Variants in JARID2 observed in about 807,000 individuals in gnomAD.
JARID2 encodes the protein protein Jumonji.
Under a neutral mutation model 125.6 loss-of-function variants are expected in JARID2, and 21 were observed. The ratio of observed to expected loss-of-function variants is 0.17; its 90% CI spans 0.12 to 0.24. The LOEUF (loss-of-function observed/expected upper bound fraction) is 0.24, where lower values mean the gene tolerates loss of function less well. Ranked by LOEUF, JARID2 falls within the 10% of genes least tolerant of loss-of-function variation. The probability of loss-of-function intolerance (pLI) is 1.00; values close to 1 mark genes in which losing one functional copy is unlikely to be tolerated. For missense variants in JARID2, 1,303 were observed against 1,639.6 expected (o/e 0.79, Z 3.55); for synonymous variants, 736 against 661.6 (o/e 1.11, Z -1.73).
chr6:15,421,480 CAT>C (rs1766487493), intron 3 of JARID2, among the ~76,000 whole-genome samples: 2 of 150,436 alleles, frequency 1.3e-5, no homozygotes, highest in South Asian at 2.1e-4. Context: ...AATTAATAAA[CAT>C]AAGCATTCGG....
chr6:15,487,381 G>C lies in JARID2; in HGVS notation c.745G>C (p.Ala249Pro). 6.2e-7 allele frequency: 1 copy of C among 1,614,226 alleles called. No homozygotes were observed. The highest frequency in any genetic ancestry group is 8.5e-7 in the Non-Finnish European group (1 of 1,180,054). Residue 249 changes from alanine to proline, a missense_variant, in exon 6 of 18, where the codon GCA (alanine) becomes CCA (proline). By Grantham distance (27) the Ala-to-Pro change is conservative. Around this residue, in one of 11 missense-constraint regions of JARID2, gnomAD observed 651 missense variants for 581.6 expected, o/e 1.12. Coordinates refer to ENST00000341776, the MANE Select transcript of JARID2 (RefSeq NM_004973.4). Reference sequence around the variant, plus strand: ...ACACAAAAGCAAAGAGGCCACTCCCGCAAAGGAGAAGCACAGCGATCACCG... The same window carrying C: ...ACACAAAAGCAAAGAGGCCACTCCCCCAAAGGAGAAGCACAGCGATCACCG... ...QKHKSKEATP[A>P]KEKHSDHRAD...
chr6:15,315,840 C>T (rs1482456151), intron 1 of JARID2, among the ~76,000 whole-genome samples: 1 of 152,138 alleles, frequency 6.6e-6, no homozygotes, highest in Admixed American at 6.5e-5. Context: ...GCCGTCCATA[C>T]GTTGAGTACG....
chr6:15,303,042 A>C (rs1417361696), intron 1 of JARID2, among the ~76,000 whole-genome samples: 3 of 152,220 alleles, frequency 2.0e-5, no homozygotes, highest in Non-Finnish European at 4.4e-5. Flanking sequence ...TATTTTTCAA[A>C]GTGAGCAATG....
Position 15,446,116 on chromosome 6 carries a change from GT to G in JARID2, c.324-5889del, listed in dbSNP as rs767033299. Among the ~76,000 whole-genome samples, 67 of 152,298 alleles carry G rather than the reference GT, an allele frequency of 4.4e-4. 1 individual carries two copies. The highest frequency in any genetic ancestry group is 6.8e-3 in the Middle Eastern group (2 of 294). ...GCCCCTCTGCTCAGATACCATGTGT[GT>G]ACTGTATTCTGTGATTCCTAAATCA... is the stretch of plus-strand genomic sequence containing the variant. On this transcript the variant is annotated intron_variant, in intron 3 of 17. Transcript: ENST00000341776.
intron 1 of JARID2, among the ~76,000 whole-genome samples, chr6:15,315,666 G>C (rs1472574416): frequency 6.6e-6 from 1 of 152,202 alleles, no homozygotes; most frequent in Non-Finnish European, 1.5e-5. Context: ...CAAATCCCTA[G>C]AAGTTGTGGT....
chr6:15,373,092 AG>A (rs1479536948), intron 1 of JARID2, among the ~76,000 whole-genome samples: 15 of 152,356 alleles, frequency 9.8e-5, no homozygotes, highest in African/African-American at 3.1e-4. Context: ...TTAGATTAAC[AG>A]CTACAGAAGA....
intron 1 of JARID2, among the ~76,000 whole-genome samples, chr6:15,300,224 T>C (rs991460068): frequency 6.6e-6 from 1 of 152,214 alleles, no homozygotes; most frequent in Non-Finnish European, 1.5e-5. Flanking sequence ...TGTTTTTAAT[T>C]CTTTGACCAC....
chr6:15,512,805 A>G (rs1771342695), intron 14 of JARID2, 110 bp from the exon 15 acceptor site: 1 of 1,093,222 alleles, frequency 9.1e-7, no homozygotes, highest in African/African-American at 1.6e-5. Context: ...TCTAAATGCA[A>G]TTCAAGATTT....
intron 1 of JARID2, among the ~76,000 whole-genome samples, chr6:15,263,104 G>A (rs1181664900): frequency 6.6e-6 from 1 of 150,884 alleles, no homozygotes; most frequent in African/African-American, 2.5e-5. Flanking sequence ...GTGTGTGTGT[G>A]TGTGTGTGTG....
At chr6:15,492,000 G>C (rs1770172564) in intron 6 of JARID2, among the ~76,000 whole-genome samples, 1 of 152,234 alleles carries the variant, frequency 6.6e-6, no homozygotes. Flanking sequence ...AACGTAACTT[G>C]AAAATGCTCT....
At chr6:15,320,214 G>GTAT (rs1481538242) in intron 1 of JARID2, among the ~76,000 whole-genome samples, 2 of 152,198 alleles carry the variant, frequency 1.3e-5, no homozygotes, top group African/African-American at 2.4e-5. Context: ...AATGGAAAAT[G>GTAT]TATTACAGTG....
In JARID2 at chr6:15,410,379, G is replaced by A; in HGVS notation, c.323+14G>A. The A allele has an allele frequency of 6.2e-7, 1 of 1,612,340 alleles. No individual in the cohort carries two copies. The highest frequency in any genetic ancestry group is 8.5e-7 in the Non-Finnish European group (1 of 1,178,608). On this transcript the variant is annotated intron_variant, in intron 3 of 17. Coordinates refer to ENST00000341776, the MANE Select transcript of JARID2 (RefSeq NM_004973.4). Reference sequence around the variant, plus strand: ...GTCGAGGAAAAGGTTAGTACCCAAGGCTGAAAATATTGGTACCTTCAACCA... The same window carrying A: ...GTCGAGGAAAAGGTTAGTACCCAAGACTGAAAATATTGGTACCTTCAACCA...
In JARID2 at chr6:15,468,638, C is replaced by T; in HGVS notation, c.590C>T (p.Thr197Ile). The T allele has an allele frequency of 6.2e-7, 1 of 1,614,162 alleles. No homozygotes were observed. The highest frequency in any genetic ancestry group is 1.1e-5 in the South Asian group (1 of 91,084). Residue 197 changes from threonine to isoleucine, a missense_variant, in exon 5 of 18, where the codon ACA (threonine) becomes ATA (isoleucine). Coordinates refer to ENST00000341776, the MANE Select transcript of JARID2 (RefSeq NM_004973.4). ...EEDDETEDVKTATNNASSSCQ... is the reference protein window; with the variant it reads ...EEDDETEDVKIATNNASSSCQ... ...GATGATGAGACAGAAGACGTCAAAA[C>T]AGCCACCAACAATGCTTCATCTTCA...
chr6:15,420,399 TAA>T (rs35773283), intron 3 of JARID2, among the ~76,000 whole-genome samples: 1 of 143,360 alleles, frequency 7.0e-6, no homozygotes, highest in Non-Finnish European at 1.5e-5. Context: ...CAAGACTCCA[TAA>T]AAAAAAAAAA....
At chr6:15,259,414 AG>A (rs1325706241) in intron 1 of JARID2, among the ~76,000 whole-genome samples, 1 of 152,220 alleles carries the variant, frequency 6.6e-6, no homozygotes, top group Non-Finnish European at 1.5e-5. Flanking sequence ...TCAAATTGGT[AG>A]CACATGGTTT....
intron 6 of JARID2, 29 bp downstream of exon 6, chr6:15,487,571 G>A: frequency 6.5e-7 from 1 of 1,527,196 alleles, no homozygotes; most frequent in Non-Finnish European, 8.9e-7. Flanking sequence ...GCCTACATGT[G>A]TGCCAGACCC....
At chr6:15,511,611 C>CT (rs1771282134) in intron 13 of JARID2, among the ~76,000 whole-genome samples, 2 of 152,162 alleles carry the variant, frequency 1.3e-5, no homozygotes, top group Admixed American at 6.5e-5. Context: ...GCCTTTGCAT[C>CT]TGTTTTGGGG....
At chr6:15,465,889 C>T (rs1468650166) in intron 4 of JARID2, among the ~76,000 whole-genome samples, 1 of 151,876 alleles carries the variant, frequency 6.6e-6, no homozygotes, top group African/African-American at 2.4e-5. Context: ...CTGCAACCTT[C>T]GCCTCCCGGG....
chr6:15,433,467 G>A (rs1221615956), intron 3 of JARID2, among the ~76,000 whole-genome samples: 1 of 142,626 alleles, frequency 7.0e-6, no homozygotes, highest in Non-Finnish European at 1.5e-5. Flanking sequence ...TTCAGTTTAG[G>A]CAGTCGCTTA....
Sources: allele counts gnomAD v4.1 joint callset (sites outside exome capture counted in the v4.1 genomes callset), GRCh38; gene constraint gnomAD v4.1.1; regional missense constraint gnomAD v4.1.1; transcripts MANE v1.5; gene names NCBI Gene and HGNC (gene_info 2026-07-23, HGNC 2026-07-21).